Variants in AKAP13 observed in about 807,000 individuals in gnomAD.
AKAP13 encodes A-kinase anchoring protein 13.
In AKAP13, 80 loss-of-function variants were observed where a neutral mutation model predicts 264.5. The observed-to-expected ratio is 0.30, with a 90% CI of 0.25 to 0.36. The LOEUF (loss-of-function observed/expected upper bound fraction) is 0.36, where lower values mean the gene tolerates loss of function less well. Ranked by LOEUF, AKAP13 falls within the 10% of genes least tolerant of loss-of-function variation. The pLI, the probability that AKAP13 is intolerant of heterozygous loss-of-function variation, is 1.00. For synonymous variants in AKAP13, 1,380 were observed against 1,250.2 expected (o/e 1.10, Z -2.19); for missense variants, 3,712 against 3,435.2 (o/e 1.08, Z -2.01).
At chr15:85,613,684 A>AT (rs1432614000) in intron 8 of AKAP13, among the ~76,000 whole-genome samples, 24 of 63,868 alleles carry the variant, frequency 3.8e-4, no homozygotes, top group African/African-American at 1.2e-3. Context: ...CCGTCTAAAA[A>AT]AAAAAAAATA....
rs372819421 is a variant in AKAP13, at chr15:85,558,003, C to A, written c.662+14048C>A. Among the ~76,000 whole-genome samples, 6 of 152,278 alleles carry A rather than the reference C, an allele frequency of 3.9e-5. No homozygotes were observed. In the East Asian group the frequency reaches 7.7e-4, roughly 20 times the overall value. ...CTTATACCACATGCCGTATTCCTAT[C>A]TATGCTATGCCTCTTATCTCTTCTG... On this transcript the variant is annotated intron_variant, in intron 5 of 36. Coordinates refer to ENST00000394518, the MANE Select transcript of AKAP13 (RefSeq NM_007200.5).
chr15:85,674,824 ATG>A (rs71141476), intron 14 of AKAP13, among the ~76,000 whole-genome samples: 3 of 150,998 alleles, frequency 2.0e-5, no homozygotes, highest in African/African-American at 7.3e-5. Context: ...TGAAATATGT[ATG>A]TGTGTGTGTG....
chr15:85,521,199 G>A (rs943778537), intron 2 of AKAP13, among the ~76,000 whole-genome samples: 3 of 152,116 alleles, frequency 2.0e-5, no homozygotes, highest in Non-Finnish European at 4.4e-5. Flanking sequence ...TAAAATGTAA[G>A]TTTAAAGAAG....
chr15:85,629,491 T>C (rs2081586504), intron 8 of AKAP13, among the ~76,000 whole-genome samples: 1 of 152,194 alleles, frequency 6.6e-6, no homozygotes, highest in Admixed American at 6.5e-5. Context: ...GCATCCACCA[T>C]GAACCATGCA....
chr15:85,478,433 G>C (rs1424627904), intron 1 of AKAP13, among the ~76,000 whole-genome samples: 2 of 152,116 alleles, frequency 1.3e-5, no homozygotes, highest in African/African-American at 4.8e-5. Flanking sequence ...TAAATTATTT[G>C]TATTTCATTA....
intron 33 of AKAP13, among the ~76,000 whole-genome samples, chr15:85,737,525 G>T (rs548642122): frequency 1.3e-5 from 2 of 152,126 alleles, no homozygotes; most frequent in Admixed American, 6.5e-5. Context: ...CTTTATTTTT[G>T]AAATTTTAAG....
At chr15:85,490,054 A>G (rs2075680514) in intron 2 of AKAP13, among the ~76,000 whole-genome samples, 2 of 152,188 alleles carry the variant, frequency 1.3e-5, no homozygotes, top group South Asian at 4.1e-4. Context: ...AGTAATGATT[A>G]TTGCCAGATG....
At chr15:85,654,443 A>G (rs2083005329) in intron 10 of AKAP13, among the ~76,000 whole-genome samples, 1 of 152,220 alleles carries the variant, frequency 6.6e-6, no homozygotes, top group Non-Finnish European at 1.5e-5. Context: ...GTTTTCATAT[A>G]CAAAAAACCC....
chr15:85,693,030 C>A, intron 16 of AKAP13: 1 of 466,152 alleles, frequency 2.1e-6, no homozygotes, highest in Non-Finnish European at 3.6e-6. Context: ...GTAGAAGTAA[C>A]CAATGAATAA....
chr15:85,664,853 T>G (rs766768855), intron 13 of AKAP13, 98 bp downstream of exon 13: 10 of 1,126,416 alleles, frequency 8.9e-6, no homozygotes, highest in Non-Finnish European at 1.2e-5. Context: ...TAGCTATGAT[T>G]ACTTACCCAT....
intron 16 of AKAP13, among the ~76,000 whole-genome samples, chr15:85,692,747 G>T (rs900727556): frequency 6.6e-6 from 1 of 152,196 alleles, no homozygotes; most frequent in South Asian, 2.1e-4. Flanking sequence ...GAGTAAAGGA[G>T]GAGACTTTAT....
intron 16 of AKAP13, chr15:85,691,933 G>A (rs1043032686): frequency 6.3e-5 from 29 of 463,072 alleles, no homozygotes; most frequent in African/African-American, 5.6e-4. Context: ...CTGCCTTCCT[G>A]CACCCCTAGG....
chr15:85,598,677 T>A (rs2079925792), intron 8 of AKAP13, among the ~76,000 whole-genome samples: 1 of 152,152 alleles, frequency 6.6e-6, no homozygotes, highest in Admixed American at 6.5e-5. Context: ...ACAGATTTCA[T>A]CCCTCAAGAA....
At chr15:85,381,054 C>A (rs1326130226) in intron 1 of AKAP13, among the ~76,000 whole-genome samples, 2 of 152,082 alleles carry the variant, frequency 1.3e-5, no homozygotes, top group Non-Finnish European at 2.9e-5. Flanking sequence ...GCCTCCCACT[C>A]CGCAGCCCAA....
chr15:85,533,493 T>C (rs1393231955), intron 3 of AKAP13, 91 bp from the exon 4 acceptor site: 9 of 1,232,866 alleles, frequency 7.3e-6, no homozygotes, highest in Non-Finnish European at 9.7e-6. Flanking sequence ...GAAATTTGTA[T>C]GTCGTGAAAT....
At chr15:85,577,244 C>G (rs2079044888) in intron 6 of AKAP13, among the ~76,000 whole-genome samples, 1 of 152,072 alleles carries the variant, frequency 6.6e-6, no homozygotes, top group Non-Finnish European at 1.5e-5. Flanking sequence ...CTGTAAGTGC[C>G]CAATATATTC....
intron 1 of AKAP13, among the ~76,000 whole-genome samples, chr15:85,429,805 G>GC (rs1430586262): frequency 2.6e-5 from 4 of 152,214 alleles, no homozygotes; most frequent in Non-Finnish European, 4.4e-5. Context: ...ATGCTGATAT[G>GC]CACTGGGATT....
At chr15:85,639,312 A>G (rs939985494) in intron 8 of AKAP13, 62 bp from the exon 9 acceptor site, 2 of 1,156,106 alleles carry the variant, frequency 1.7e-6, no homozygotes, top group East Asian at 2.4e-5. Context: ...TAATTTTGGC[A>G]CCTGTAAAAT....
intron 19 of AKAP13, 23 bp downstream of exon 19, chr15:85,710,668 C>A: frequency 1.2e-6 from 2 of 1,609,968 alleles, no homozygotes; most frequent in South Asian, 1.1e-5. Context: ...GCCCACCTCT[C>A]AATTCCCTTT....
Sources: gnomAD v4.1 joint callset for allele counts (sites outside exome capture counted in the v4.1 genomes callset) on GRCh38, gnomAD v4.1.1 for gene constraint, MANE v1.5 for transcripts, NCBI Gene and HGNC (gene_info 2026-07-23, HGNC 2026-07-21) for gene names.